The following TMEM132D variants were observed in gnomAD, a reference collection of about 807,000 sequenced individuals.
TMEM132D encodes transmembrane protein 132D.
In TMEM132D, 21 loss-of-function variants were observed where a neutral mutation model predicts 62.3. That is an observed-to-expected ratio of 0.34 (90% confidence interval 0.24 to 0.49). The LOEUF is 0.49. Among genes scored for constraint, TMEM132D ranks in the 20% least tolerant of loss-of-function variants. The probability of loss-of-function intolerance (pLI) is 0.99; values close to 1 mark genes in which losing one functional copy is unlikely to be tolerated. For synonymous variants in TMEM132D, 621 were observed against 575.6 expected (o/e 1.08, Z -1.13); for missense variants, 1,346 against 1,402.8 (o/e 0.96, Z 0.65).
intron 1 of TMEM132D, among the ~76,000 whole-genome samples, chr12:129,833,780 C>T (rs564960287): frequency 6.6e-6 from 1 of 152,228 alleles, no homozygotes. Context: ...ACTCCTCTGC[C>T]CATGGGCAAG....
intron 3 of TMEM132D, among the ~76,000 whole-genome samples, chr12:129,376,019 G>A (rs1870769848): frequency 6.6e-6 from 1 of 152,188 alleles, no homozygotes. Flanking sequence ...ACATTTTTGG[G>A]CAGAAACAGT....
At chr12:129,262,422 C>T (rs940727813) in intron 4 of TMEM132D, 3 of 152,160 alleles carry the variant, frequency 2.0e-5, no homozygotes, top group African/African-American at 4.8e-5. Context: ...GCAGATGTCC[C>T]AAACTCAAGT....
chr12:129,096,673 G>A (rs1875126559), intron 5 of TMEM132D, among the ~76,000 whole-genome samples: 4 of 152,200 alleles, frequency 2.6e-5, no homozygotes, highest in African/African-American at 9.6e-5. Flanking sequence ...GAAAGTCTGA[G>A]TCTCTTTCCC....
chr12:129,415,867 G>C (rs182993039), intron 3 of TMEM132D, among the ~76,000 whole-genome samples: 85 of 152,240 alleles, frequency 5.6e-4, no homozygotes, highest in African/African-American at 1.8e-3. Flanking sequence ...ACCAGAGCCT[G>C]GTTCTCCTTT....
chr12:129,431,536 G>A (rs1240132831), intron 3 of TMEM132D, among the ~76,000 whole-genome samples: 2 of 152,148 alleles, frequency 1.3e-5, no homozygotes, highest in African/African-American at 4.8e-5. Flanking sequence ...GTAGATCCAG[G>A]TTCTAACCAC....
intron 1 of TMEM132D, among the ~76,000 whole-genome samples, chr12:129,890,123 T>C (rs957543651): frequency 7.9e-5 from 12 of 152,212 alleles, no homozygotes; most frequent in African/African-American, 2.9e-4. Context: ...AGGTCCCTTC[T>C]GGAGTAACTC....
At chr12:129,793,340 C>G (rs1291341442) in intron 1 of TMEM132D, among the ~76,000 whole-genome samples, 1 of 151,992 alleles carries the variant, frequency 6.6e-6, no homozygotes, top group Non-Finnish European at 1.5e-5. Flanking sequence ...GATAAATTCT[C>G]CAGCTGGAGT....
intron 2 of TMEM132D, among the ~76,000 whole-genome samples, chr12:129,634,532 T>C (rs146256557): frequency 0.025 from 3,827 of 151,928 alleles, 64 homozygotes; most frequent in African/African-American, 0.04. Context: ...AAGTTCTGAA[T>C]TCATTGAATT....
chr12:129,073,784 G>A lies in TMEM132D; in HGVS notation c.*91C>T. 8.3e-7 allele frequency: 1 copy of A among 1,198,532 alleles called. No homozygotes were observed. Among genetic ancestry groups the A allele is most frequent in the Non-Finnish European group, 1.2e-6 (1 of 849,520 alleles). The allele number at this position is 1,198,532 out of a possible 1,614,324, so 74.2% of individuals were successfully genotyped here. On this transcript the variant is annotated 3_prime_UTR_variant, in exon 9 of 9. Coordinates refer to ENST00000422113, the MANE Select transcript of TMEM132D (RefSeq NM_133448.3). ...AGTGTCATCCTTATTTTGTCCTGCT[G>A]CTTTGTTTCTCTTCCGGGGGCACCG...
intron 5 of TMEM132D, among the ~76,000 whole-genome samples, chr12:129,184,055 G>C (rs552006644): frequency 6.6e-6 from 1 of 152,238 alleles, no homozygotes; most frequent in African/African-American, 2.4e-5. Context: ...GAAAAAAAAA[G>C]CTAGGCTGGG....
chr12:129,342,871 A>G (rs1869542093), intron 3 of TMEM132D, among the ~76,000 whole-genome samples: 1 of 152,214 alleles, frequency 6.6e-6, no homozygotes, highest in African/African-American at 2.4e-5. Flanking sequence ...CAAAACCACA[A>G]TGAGATACCA....
At chr12:129,360,485 A>G (rs1277001296) in intron 3 of TMEM132D, among the ~76,000 whole-genome samples, 1 of 152,122 alleles carries the variant, frequency 6.6e-6, no homozygotes, top group Admixed American at 6.5e-5. Context: ...TGAGGAATGG[A>G]TGGGTTCTTA....
At chr12:129,230,709 ATTC>A (rs1382379244) in intron 4 of TMEM132D, among the ~76,000 whole-genome samples, 2 of 152,206 alleles carry the variant, frequency 1.3e-5, no homozygotes, top group Non-Finnish European at 2.9e-5. Flanking sequence ...ACTCAAGAGT[ATTC>A]TTCTGCCTAG....
chr12:129,330,344 G>C (rs182867144), intron 4 of TMEM132D, among the ~76,000 whole-genome samples: 1 of 152,312 alleles, frequency 6.6e-6, no homozygotes, highest in African/African-American at 2.4e-5. Context: ...TGGAAAAAAG[G>C]CTTGGAGATT....
At chr12:129,734,380 T>C (rs1283594978) in intron 1 of TMEM132D, among the ~76,000 whole-genome samples, 1 of 152,206 alleles carries the variant, frequency 6.6e-6, no homozygotes, top group Non-Finnish European at 1.5e-5. Context: ...AAGAATCAGG[T>C]CAAATGCCAT....
At chr12:129,880,675 T>TA (rs1372235020) in intron 1 of TMEM132D, among the ~76,000 whole-genome samples, 11 of 152,144 alleles carry the variant, frequency 7.2e-5, no homozygotes, top group African/African-American at 2.2e-4. Flanking sequence ...TGTGATCAAT[T>TA]AAATGCCTGT....
At chr12:129,304,069 G>A (rs184832572) in intron 4 of TMEM132D, among the ~76,000 whole-genome samples, 2 of 152,338 alleles carry the variant, frequency 1.3e-5, no homozygotes, top group African/African-American at 4.8e-5. Context: ...TTCTAAGGAA[G>A]AAACACCCTC....
intron 2 of TMEM132D, among the ~76,000 whole-genome samples, chr12:129,679,573 T>C (rs1880729467): frequency 6.6e-6 from 1 of 152,138 alleles, no homozygotes. Context: ...TTAATCCCTT[T>C]GCCTTTTTGC....
intron 2 of TMEM132D, among the ~76,000 whole-genome samples, chr12:129,637,547 C>T (rs888284496): frequency 1.3e-5 from 2 of 152,178 alleles, no homozygotes; most frequent in South Asian, 2.1e-4. Context: ...ACCCCCACCC[C>T]CTTCCTCCTG....
Sources: allele counts gnomAD v4.1 joint callset (sites outside exome capture counted in the v4.1 genomes callset), GRCh38; gene constraint gnomAD v4.1.1; transcripts MANE v1.5; gene names NCBI Gene and HGNC (gene_info 2026-07-23, HGNC 2026-07-21).